The following TMED7 variants were observed in gnomAD, a reference collection of about 807,000 sequenced individuals.
TMED7 encodes transmembrane emp24 domain-containing protein 7.
Under a neutral mutation model 23.4 loss-of-function variants are expected in TMED7, and 8 were observed. The observed-to-expected ratio is 0.34, with a 90% CI of 0.20 to 0.62. The LOEUF (loss-of-function observed/expected upper bound fraction) is 0.62, where lower values mean the gene tolerates loss of function less well. Among genes scored for constraint, TMED7 ranks in the 20% least tolerant of loss-of-function variants. TMED7 has a pLI of 0.77. For synonymous variants in TMED7, 121 were observed against 108.5 expected, an observed-to-expected ratio of 1.12 and a Z score of -0.72; for missense variants, 232 against 279.1, an observed-to-expected ratio of 0.83 and a Z score of 1.20.
At chr5:115,620,247 T>C in intron 2 of TMED7, 188 bp downstream of exon 2, 1 of 764,624 alleles carries the variant, frequency 1.3e-6, no homozygotes, top group East Asian at 3.5e-5. Context: ...TCATAAAATC[T>C]TTCAACATTA....
chr5:115,624,672 G>T (rs762961871), intron 1 of TMED7, among the ~76,000 whole-genome samples: 9 of 152,168 alleles, frequency 5.9e-5, no homozygotes, highest in Non-Finnish European at 1.3e-4. Flanking sequence ...AACCATATTG[G>T]ACCTCTCTCT....
In TMED7 at chr5:115,615,807, T is replaced by C. The variant is rs532280406; in HGVS notation, c.*402A>G. On this transcript the variant is annotated 3_prime_UTR_variant, in exon 3 of 3. Coordinates refer to ENST00000456936, the MANE Select transcript of TMED7 (RefSeq NM_181836.6). ...TCACATTTGGTTTTCTTATTAACAATTAAAAGGCAATTTTCTTCCTCCCTA... is the reference window on the plus strand; with the variant it reads ...TCACATTTGGTTTTCTTATTAACAACTAAAAGGCAATTTTCTTCCTCCCTA... The C allele has an allele frequency of 1.5e-5, 3 of 203,886 alleles. No individual in the cohort carries two copies. Among genetic ancestry groups the C allele is most frequent in the South Asian group, 1.8e-4 (2 of 11,380 alleles). The allele number at this position is 203,886 out of a possible 1,614,324, so 12.6% of individuals were successfully genotyped here. A position where few individuals can be genotyped will look rare whatever the true frequency, so the allele number is the denominator to read the frequency against.
intron 2 of TMED7, among the ~76,000 whole-genome samples, chr5:115,618,343 T>A (rs1301296283): frequency 6.6e-6 from 1 of 152,208 alleles, no homozygotes; most frequent in Non-Finnish European, 1.5e-5. Flanking sequence ...TTATAACACA[T>A]GAAATAATCT....
intron 1 of TMED7, among the ~76,000 whole-genome samples, chr5:115,623,638 G>A (rs531281313): frequency 6.6e-6 from 1 of 152,238 alleles, no homozygotes; most frequent in East Asian, 1.9e-4. Context: ...CTAATTTCAG[G>A]CCTGCTGGAA....
chr5:115,624,385 T>C (rs991472967), intron 1 of TMED7, among the ~76,000 whole-genome samples: 1 of 152,156 alleles, frequency 6.6e-6, no homozygotes, highest in Non-Finnish European at 1.5e-5. Flanking sequence ...CCCACTGCTA[T>C]CACTCTACTC....
intron 1 of TMED7, among the ~76,000 whole-genome samples, chr5:115,621,374 C>A (rs1188065682): frequency 6.6e-6 from 1 of 152,142 alleles, no homozygotes; most frequent in African/African-American, 2.4e-5. Context: ...AGTATATAAT[C>A]ATTTACAACC....
chr5:115,616,228 G>C lies in TMED7; in HGVS notation c.656C>G (p.Thr219Arg), dbSNP rs1367754094. ...ACGTAGTTATGATCCAACACGAGTT[G>C]TGGTGGTTCTTTTATCTGAGAAAAA... ...KSFFSDKRTT[T>R]TRVGS Residue 219 changes from threonine (T) to arginine (R), a missense_variant, in exon 3 of 3, where the codon ACA (threonine) becomes AGA (arginine). By Grantham distance (71) the Thr-to-Arg change is moderately conservative. This residue lies in a region of TMED7 where 126 missense variants were observed against 182.1 expected (regional missense o/e 0.69). Transcript: ENST00000456936. 1 of 1,614,016 alleles carries C rather than the reference G, an allele frequency of 6.2e-7. No individual in the cohort carries two copies. The highest frequency in any genetic ancestry group is 1.3e-5 in the African/African-American group (1 of 74,942).
At chr5:115,616,651 C>T (rs1231363955) in intron 2 of TMED7, 1 of 719,476 alleles carries the variant, frequency 1.4e-6, no homozygotes, top group Non-Finnish European at 2.2e-6. Flanking sequence ...GGCTAGAGAT[C>T]TCATGAAGCA....
chr5:115,624,871 A>T (rs940522229), intron 1 of TMED7, among the ~76,000 whole-genome samples: 1 of 152,214 alleles, frequency 6.6e-6, no homozygotes, highest in African/African-American at 2.4e-5. Context: ...AGTTAAGAAA[A>T]GCAGGGTGAG....
chr5:115,619,754 TAA>T (rs1206143429), intron 2 of TMED7, among the ~76,000 whole-genome samples: 1 of 151,910 alleles, frequency 6.6e-6, no homozygotes, highest in African/African-American at 2.4e-5. Context: ...AGGTTGGAGC[TAA>T]AAAAAAGTTT....
intron 1 of TMED7, 89 bp from the exon 2 acceptor site, chr5:115,620,769 G>A (rs975935085): frequency 2.3e-5 from 30 of 1,290,056 alleles, no homozygotes; most frequent in Non-Finnish European, 2.9e-5. Flanking sequence ...TGGCAATAAG[G>A]TGATGGGCAA....
chr5:115,621,687 G>C (rs1225937713), intron 1 of TMED7, among the ~76,000 whole-genome samples: 1 of 152,178 alleles, frequency 6.6e-6, no homozygotes, highest in Non-Finnish European at 1.5e-5. Flanking sequence ...AGGGGGAAAG[G>C]ATTAAAGAGA....
Position 115,620,417 on chromosome 5 carries a change from G to T in TMED7, c.438+18C>A. Reference sequence around the variant, plus strand: ...CTTTTAAATATACCAACATTATATTGCTGATTTTTTTATTTACCTGGGTAA... The same window carrying T: ...CTTTTAAATATACCAACATTATATTTCTGATTTTTTTATTTACCTGGGTAA... On this transcript the variant is annotated intron_variant, in intron 2 of 2. Transcript: ENST00000456936. The T allele has an allele frequency of 6.8e-7, 1 of 1,474,982 alleles. No individual in the cohort carries two copies. The highest frequency in any genetic ancestry group is 1.5e-5 in the South Asian group (1 of 66,730). 91.4% of individuals were successfully genotyped at this position (1,474,982 alleles called of 1,614,324 possible).
In TMED7 at chr5:115,615,599, T is replaced by A. The variant is rs1323333754; in HGVS notation, c.*610A>T. 1 of 153,160 alleles carries A rather than the reference T, an allele frequency of 6.5e-6. No individual in the cohort carries two copies. 9.5% of individuals were successfully genotyped at this position (153,160 alleles called of 1,614,324 possible). A position where few individuals can be genotyped will look rare whatever the true frequency, so the allele number is the denominator to read the frequency against. ...CTGTTTTCTGTGTACTACAAATGCC[T>A]TTATGAAAAAATAGCATAGCTGGTT... On this transcript the variant is annotated 3_prime_UTR_variant, in exon 3 of 3. Coordinates refer to ENST00000456936, the MANE Select transcript of TMED7 (RefSeq NM_181836.6).
chr5:115,625,465 G>C, intron 1 of TMED7, 136 bp downstream of exon 1: 1 of 1,012,624 alleles, frequency 9.9e-7, no homozygotes, highest in Non-Finnish European at 1.3e-6. Flanking sequence ...CAAATGCTGG[G>C]CATCAGCTAC....
At chr5:115,618,238 A>C (rs1234785523) in intron 2 of TMED7, among the ~76,000 whole-genome samples, 3 of 152,206 alleles carry the variant, frequency 2.0e-5, no homozygotes, top group Non-Finnish European at 4.4e-5. Context: ...ATTATTTTTA[A>C]AGCAAATCTC....
Position 115,615,524 on chromosome 5 carries a change from A to G in TMED7, c.*685T>C, listed in dbSNP as rs1561587778. On this transcript the variant is annotated 3_prime_UTR_variant, in exon 3 of 3. Coordinates refer to ENST00000456936, the MANE Select transcript of TMED7 (RefSeq NM_181836.6). ...ATTCTGTAATATTTCTACCTGTTAC[A>G]AAGTCTGATATTTAAGGCCTGTATA... The G allele has an allele frequency of 6.6e-6, 1 of 152,412 alleles. No homozygotes were observed. The highest frequency in any genetic ancestry group is 1.5e-5 in the Non-Finnish European group (1 of 68,032). The allele number at this position is 152,412 out of a possible 1,614,324, so 9.4% of individuals were successfully genotyped here.
chr5:115,625,711 C>T lies in TMED7; in HGVS notation c.82G>A (p.Val28Met), dbSNP rs1390206050. 1 of 1,601,462 alleles carries T rather than the reference C, an allele frequency of 6.2e-7. No individual in the cohort carries two copies. Among genetic ancestry groups the T allele is most frequent in the Non-Finnish European group, 8.5e-7 (1 of 1,175,212 alleles). ...GCRLLALLLLVPGPGGASEIT... is the reference protein window; with the variant it reads ...GCRLLALLLLMPGPGGASEIT... ...TCAGAGGCGCCGCCGGGTCCAGGCA[C>T]CAGTAGCAGCAGTGCGAGCAGCCTG... is the stretch of plus-strand genomic sequence containing the variant. The change falls in exon 1 of 3, where the codon GTG becomes ATG. Residue 28 changes from valine to methionine, a missense_variant. Val to Met is a conservative substitution (Grantham distance 21). This residue lies in a region of TMED7 where 106 missense variants were observed against 97.0 expected (regional missense o/e 1.09). Transcript: ENST00000456936.
chr5:115,615,494 A>T lies in TMED7; in HGVS notation c.*715T>A, dbSNP rs1330024259. ...TCATTTGCCCCCATTGTAGTGTCTTAAATTATTCTGTAATATTTCTACCTG... is the reference window on the plus strand; with the variant it reads ...TCATTTGCCCCCATTGTAGTGTCTTTAATTATTCTGTAATATTTCTACCTG... On this transcript the variant is annotated 3_prime_UTR_variant, in exon 3 of 3. Coordinates refer to ENST00000456936, the MANE Select transcript of TMED7 (RefSeq NM_181836.6). The T allele has an allele frequency of 6.6e-6, 1 of 152,268 alleles. No individual in the cohort carries two copies. Among genetic ancestry groups the T allele is most frequent in the Non-Finnish European group, 1.5e-5 (1 of 68,000 alleles). 9.4% of individuals were successfully genotyped at this position (152,268 alleles called of 1,614,324 possible).
Sources: gnomAD v4.1 joint callset for allele counts (sites outside exome capture counted in the v4.1 genomes callset) on GRCh38, gnomAD v4.1.1 for gene constraint, gnomAD v4.1.1 regional missense constraint, MANE v1.5 for transcripts, NCBI Gene and HGNC (gene_info 2026-07-23, HGNC 2026-07-21) for gene names.